Variants in GAS7 observed in about 807,000 individuals in gnomAD.
The protein encoded by GAS7 is growth arrest specific 7.
Under a neutral mutation model 71.1 loss-of-function variants are expected in GAS7, and 28 were observed. The observed-to-expected ratio is 0.39, with a 90% CI of 0.29 to 0.54. The LOEUF is 0.54. GAS7 is among the 20% of genes least tolerant of loss of function. The pLI is 0.62. For missense variants in GAS7, 436 were observed against 627.8 expected (o/e 0.69, Z 3.27); for synonymous variants, 258 against 245.8 (o/e 1.05, Z -0.46).
intron 5 of GAS7, among the ~76,000 whole-genome samples, chr17:9,951,933 C>A (rs1436640722): frequency 6.6e-6 from 1 of 152,084 alleles, no homozygotes; most frequent in Non-Finnish European, 1.5e-5. Context: ...ACCGTGCACC[C>A]CAGCAGGCCT....
rs2068309757 is a variant in GAS7, at chr17:9,934,197, T to A, written c.854A>T (p.Glu285Val). Residue 285 changes from glutamate (E) to valine (V), a missense_variant, in exon 9 of 14, where the codon GAA (glutamate) becomes GTA (valine). Transcript: ENST00000432992. ...WAQVKKSLAD[E>V]AEVHLKFSAK... ...AGAGAACTTGAGGTGAACTTCTGCT[T>A]CGTCCGCCAGGCTCTTCTTCACCTG... The A allele has an allele frequency of 6.2e-7, 1 of 1,612,996 alleles. No homozygotes were observed. The highest frequency in any genetic ancestry group is 1.1e-5 in the South Asian group (1 of 90,996).
chr17:10,069,013 T>A (rs1010174836), intron 1 of GAS7, among the ~76,000 whole-genome samples: 1 of 152,102 alleles, frequency 6.6e-6, no homozygotes, highest in Non-Finnish European at 1.5e-5. Context: ...CATGTAGGCA[T>A]CCCCTGCCTA....
At chr17:10,083,508 C>T (rs1315588527) in intron 1 of GAS7, among the ~76,000 whole-genome samples, 3 of 152,208 alleles carry the variant, frequency 2.0e-5, no homozygotes, top group South Asian at 4.2e-4. Context: ...TGCTATCTGC[C>T]GCAGGAGGTG....
In GAS7 at chr17:10,026,602, G is replaced by A. The variant is rs1192217104; in HGVS notation, c.184-6705C>T. ...GTCCTGGACTCAGCAGCCAGGAGTG[G>A]CCCCACTGCCAGCTCTGCACTCCTC... On this transcript the variant is annotated intron_variant, in intron 1 of 13. Coordinates refer to ENST00000432992, the MANE Select transcript of GAS7 (RefSeq NM_201433.2). The surrounding 1 kb of genome is among the most constrained non-coding windows in gnomAD (Gnocchi z 4.5). Among the ~76,000 whole-genome samples the A allele has an allele frequency of 6.6e-6, 1 of 152,180 alleles. No homozygotes were observed. The highest frequency in any genetic ancestry group is 2.4e-5 in the African/African-American group (1 of 41,446).
chr17:10,013,102 C>CAAAA (rs1207550210), intron 2 of GAS7, among the ~76,000 whole-genome samples: 1 of 96,820 alleles, frequency 1.0e-5, no homozygotes, highest in Non-Finnish European at 2.2e-5. Context: ...GACTCTGTCT[C>CAAAA]AAAAAAAAAA....
At chr17:10,073,495 A>T (rs1335575931) in intron 1 of GAS7, among the ~76,000 whole-genome samples, 2 of 152,302 alleles carry the variant, frequency 1.3e-5, no homozygotes, top group East Asian at 3.9e-4. Context: ...ACACCTTGCT[A>T]CTGAAAGCCT....
chr17:10,192,814 C>A (rs949031298), intron 1 of GAS7, among the ~76,000 whole-genome samples: 2 of 152,136 alleles, frequency 1.3e-5, no homozygotes, highest in Non-Finnish European at 2.9e-5. Flanking sequence ...CCAGGAGCTA[C>A]AAATACTGGC....
At chr17:10,184,980 G>A (rs2074441700) in intron 1 of GAS7, among the ~76,000 whole-genome samples, 1 of 149,868 alleles carries the variant, frequency 6.7e-6, no homozygotes, top group African/African-American at 2.5e-5. Context: ...AGGCTGGAGT[G>A]CAGTGGTGTG....
intron 3 of GAS7, among the ~76,000 whole-genome samples, chr17:9,979,876 A>AC (rs936135370): frequency 1.3e-5 from 2 of 151,516 alleles, no homozygotes; most frequent in African/African-American, 2.4e-5. Context: ...AAAAAAAAAA[A>AC]ACACAAGAAC....
At chr17:9,936,152 C>A (rs1445357152) in intron 8 of GAS7, among the ~76,000 whole-genome samples, 4 of 152,188 alleles carry the variant, frequency 2.6e-5, no homozygotes, top group Non-Finnish European at 5.9e-5. Context: ...TCTCAAGATG[C>A]CTCCTAGCTC....
intron 3 of GAS7, among the ~76,000 whole-genome samples, chr17:9,973,882 A>C (rs531379877): frequency 6.6e-6 from 1 of 152,316 alleles, no homozygotes; most frequent in East Asian, 1.9e-4. Flanking sequence ...AATGAAATGC[A>C]CAAGTTTTTA....
intron 1 of GAS7, among the ~76,000 whole-genome samples, chr17:10,027,969 C>T (rs1435592503): frequency 6.6e-6 from 1 of 152,196 alleles, no homozygotes. Flanking sequence ...CTACAACCTC[C>T]GCCTCTCAGG....
rs151153714 is a variant in GAS7 at position 10,074,460 on chromosome 17, T to A, written c.184-54563A>T. On this transcript the variant is annotated intron_variant, in intron 1 of 13. Transcript: ENST00000432992. ...GGTTTCACTTCGATCTCCTCCCTCC[T>A]ACCTTCTCAGTGTTGGATAGCAATG... 3.1e-3 allele frequency among the ~76,000 whole-genome samples: 465 copies of A among 152,322 alleles called. 2 individuals carry two copies. The highest frequency in any genetic ancestry group is 0.01 in the African/African-American group (425 of 41,566).
chr17:10,172,533 G>GAA lies in GAS7; in HGVS notation c.183+25673_183+25674dup, dbSNP rs575581440. On this transcript the variant is annotated intron_variant, in intron 1 of 13. Transcript: ENST00000432992. ...GAAGCAGATTAAAAAAAAAGAAGAA[G>GAA]AAAAAAAAAGAAACAGAAAGGGAGA... 4.6e-3 allele frequency among the ~76,000 whole-genome samples: 693 copies of GAA among 151,448 alleles called. 5 individuals are homozygous for GAA. The highest frequency in any genetic ancestry group is 0.016 in the African/African-American group (651 of 41,286).
chr17:10,158,336 TAAAA>T (rs58514810), intron 1 of GAS7, among the ~76,000 whole-genome samples: 37 of 83,402 alleles, frequency 4.4e-4, no homozygotes, highest in African/African-American at 1.3e-3. Flanking sequence ...CTTTTTTTGG[TAAAA>T]AAAAAAAAAA....
chr17:10,084,320 A>G (rs1361422779), intron 1 of GAS7, among the ~76,000 whole-genome samples: 1 of 152,186 alleles, frequency 6.6e-6, no homozygotes, highest in Non-Finnish European at 1.5e-5. Context: ...TGTCTATTTA[A>G]TAATCATAGT....
chr17:9,961,004 T>TA (rs2069467703), intron 4 of GAS7, among the ~76,000 whole-genome samples: 1 of 152,034 alleles, frequency 6.6e-6, no homozygotes, highest in Admixed American at 6.6e-5. Flanking sequence ...GTGTCCAAAA[T>TA]AGAGTCCCAG....
intron 1 of GAS7, among the ~76,000 whole-genome samples, chr17:10,154,854 T>C (rs1034328126): frequency 1.3e-5 from 2 of 151,288 alleles, no homozygotes; most frequent in African/African-American, 4.9e-5. Context: ...GAAAAGTGTG[T>C]CCTGGAGAAA....
At chr17:10,101,093 ACC>A (rs2073694157) in intron 1 of GAS7, among the ~76,000 whole-genome samples, 1 of 129,314 alleles carries the variant, frequency 7.7e-6, no homozygotes, top group African/African-American at 3.0e-5. Context: ...ACATAGCAAG[ACC>A]CCATCTCAAA....
Sources: allele counts gnomAD v4.1 joint callset (sites outside exome capture counted in the v4.1 genomes callset), GRCh38; gene constraint gnomAD v4.1.1; non-coding constraint Gnocchi (gnomAD v3.1); transcripts MANE v1.5; gene names NCBI Gene and HGNC (gene_info 2026-07-23, HGNC 2026-07-21).